DNAAF5: variants seen among roughly 807,000 people sequenced by gnomAD.
DNAAF5 encodes HEAT repeat containing 2.
Under a neutral mutation model 75.8 loss-of-function variants are expected in DNAAF5, and 64 were observed. The ratio of observed to expected loss-of-function variants is 0.84; its 90% confidence interval spans 0.69 to 1.04. The LOEUF is 1.04. Ranked by LOEUF, DNAAF5 falls within the 50% of genes least tolerant of loss-of-function variation. The pLI, the probability that DNAAF5 is intolerant of heterozygous loss-of-function variation, is 0.00. For synonymous variants in DNAAF5, 657 were observed against 557.2 expected (o/e 1.18, Z -2.52); for missense variants, 1,269 against 1,178.5 (o/e 1.08, Z -1.12).
chr7:730,251 C>T (rs546017208), intron 2 of DNAAF5, among the ~76,000 whole-genome samples: 1 of 152,126 alleles, frequency 6.6e-6, no homozygotes, highest in South Asian at 2.1e-4. Context: ...TGTCGTTGGG[C>T]TTTGGAACCC....
chr7:750,099 G>C (rs563006546), intron 4 of DNAAF5, among the ~76,000 whole-genome samples: 1 of 152,212 alleles, frequency 6.6e-6, no homozygotes, highest in Non-Finnish European at 1.5e-5. Flanking sequence ...ACCACGTGGA[G>C]GAGGGTGGTC....
rs1285740158 is a variant in DNAAF5 at position 774,996 on chromosome 7, C to T, written c.2083-10C>T. 1 of 1,613,634 alleles carries T rather than the reference C, an allele frequency of 6.2e-7. No homozygotes were observed. Among genetic ancestry groups the T allele is most frequent in the African/African-American group, 1.3e-5 (1 of 74,896 alleles). On this transcript the variant is annotated splice_polypyrimidine_tract_variant and intron_variant, in intron 10 of 12. Coordinates refer to ENST00000297440, the MANE Select transcript of DNAAF5 (RefSeq NM_017802.4). Reference sequence around the variant, plus strand: ...ATGTGAGTCACGTCGTATGTGTTTGCTGATTGCAGATACGGGACGTGCAGG... The same window carrying T: ...ATGTGAGTCACGTCGTATGTGTTTGTTGATTGCAGATACGGGACGTGCAGG...
At chr7:743,467 C>G (rs1003462796) in intron 4 of DNAAF5, among the ~76,000 whole-genome samples, 1 of 152,012 alleles carries the variant, frequency 6.6e-6, no homozygotes, top group African/African-American at 2.4e-5. Context: ...TGGCTCCTCC[C>G]GAGCCTGTGA....
intron 4 of DNAAF5, among the ~76,000 whole-genome samples, chr7:749,408 G>A (rs984296121): frequency 6.6e-6 from 1 of 152,112 alleles, no homozygotes; most frequent in African/African-American, 2.4e-5. Context: ...GACAGAGTTG[G>A]CTCTTCTTAA....
At chr7:749,573 G>A (rs944140448) in intron 4 of DNAAF5, among the ~76,000 whole-genome samples, 4 of 152,226 alleles carry the variant, frequency 2.6e-5, no homozygotes, top group South Asian at 2.1e-4. Flanking sequence ...AGCTTGAATG[G>A]AAATTGTCAG....
At chr7:762,209 G>A (rs780893798) in intron 7 of DNAAF5, among the ~76,000 whole-genome samples, 2 of 152,160 alleles carry the variant, frequency 1.3e-5, no homozygotes, top group African/African-American at 4.8e-5. Flanking sequence ...CATGTCGCTG[G>A]GCGTGGCATC....
chr7:735,573 ATTGCTCACAGTGTAG>A (rs1192287782), intron 2 of DNAAF5, among the ~76,000 whole-genome samples: 2 of 152,126 alleles, frequency 1.3e-5, no homozygotes, highest in Non-Finnish European at 2.9e-5. Context: ...TCACGATGTC[ATTGCTCACAGTGTAG>A]TTGCTCACAG....
intron 4 of DNAAF5, among the ~76,000 whole-genome samples, chr7:744,887 G>GC (rs1782032210): frequency 6.6e-6 from 1 of 152,148 alleles, no homozygotes; most frequent in African/African-American, 2.4e-5. Flanking sequence ...ACAGAGGTGA[G>GC]CCACCACGCC....
rs1448942310 is a variant in DNAAF5, at chr7:729,755, G to A, written c.688G>A (p.Ala230Thr). 6.2e-7 allele frequency: 1 copy of A among 1,614,200 alleles called. No homozygotes were observed. Reference protein sequence around the residue: ...HWKVRVAAIEATGAVIHFGNG... With the variant: ...HWKVRVAAIETTGAVIHFGNG... ...GAAGGTCCGTGTGGCCGCCATTGAAGCCACAGGCGCAGTGATCCATTTTGG... is the reference window on the plus strand; with the variant it reads ...GAAGGTCCGTGTGGCCGCCATTGAAACCACAGGCGCAGTGATCCATTTTGG... Residue 230 changes from alanine (A) to threonine (T), a missense_variant, in exon 2 of 13, where the codon GCC (alanine) becomes ACC (threonine). By Grantham distance (58) the Ala-to-Thr change is moderately conservative. Transcript: ENST00000297440.
intron 8 of DNAAF5, among the ~76,000 whole-genome samples, chr7:768,012 G>T: frequency 7.0e-6 from 1 of 142,272 alleles, no homozygotes; most frequent in East Asian, 2.1e-4. Context: ...GGGCGGAAGT[G>T]TCCTTGCAGC....
intron 4 of DNAAF5, among the ~76,000 whole-genome samples, chr7:745,150 G>A (rs1368877898): frequency 2.6e-5 from 4 of 152,210 alleles, no homozygotes; most frequent in African/African-American, 9.6e-5. Context: ...AGGAAATGCT[G>A]CTCCTTAGAG....
chr7:764,046 C>T (rs892861581), intron 8 of DNAAF5, 72 bp downstream of exon 8: 2 of 1,505,998 alleles, frequency 1.3e-6, no homozygotes, highest in Non-Finnish European at 9.1e-7. Context: ...CCCAGGTGCT[C>T]AGCAGGTACC....
chr7:757,009 G>C lies in DNAAF5; in HGVS notation c.1470+15G>C, dbSNP rs1782506888. ...CATCTGAAAACGTAAGAGCACTTGG[G>C]AGATGCGGGAGTGGAGAGGAGGAGC... On this transcript the variant is annotated intron_variant, in intron 6 of 12. Coordinates refer to ENST00000297440, the MANE Select transcript of DNAAF5 (RefSeq NM_017802.4). 4 of 1,593,490 alleles carry C rather than the reference G, an allele frequency of 2.5e-6. No homozygotes were observed. Among genetic ancestry groups the C allele is most frequent in the East Asian group, 4.5e-5 (2 of 44,748 alleles).
chr7:737,390 C>A (rs1370234096), intron 2 of DNAAF5, among the ~76,000 whole-genome samples: 1 of 152,176 alleles, frequency 6.6e-6, no homozygotes, highest in Admixed American at 6.5e-5. Flanking sequence ...GCCACTGCAC[C>A]CAACCAGTTA....
At position 754,890 on chromosome 7, in the gene DNAAF5, T is replaced by G; in HGVS notation, c.1257+69T>G. 2.4e-6 allele frequency: 3 copies of G among 1,231,202 alleles called. No individual in the cohort carries two copies. The highest frequency in any genetic ancestry group is 3.4e-6 in the Non-Finnish European group (3 of 875,746). The allele number at this position is 1,231,202 out of a possible 1,614,324, so 76.3% of individuals were successfully genotyped here. The stretch of plus-strand genomic sequence containing the variant: ...AGCTTAAGATCCCGCCTCTGTGGTG[T>G]GCGGGGCCCGAGGCTGTACTGTAGC... On this transcript the variant is annotated intron_variant, in intron 5 of 12. Coordinates refer to ENST00000297440, the MANE Select transcript of DNAAF5 (RefSeq NM_017802.4). The surrounding 1 kb of genome is among the most constrained non-coding windows in gnomAD (Gnocchi z 4.8).
In DNAAF5 at chr7:785,611, G is replaced by A. The variant is rs772910548; in HGVS notation, c.2526G>A (p.Glu842=). The change falls in exon 13 of 13, where the codon GAG becomes GAA. Residue 842 remains glutamate (E), a synonymous_variant. Coordinates refer to ENST00000297440, the MANE Select transcript of DNAAF5 (RefSeq NM_017802.4). ...IHKHRSATYC[E]QLLQHVQAVP... is the part of the protein sequence containing the mutation. ...AGCACCGCTCGGCCACCTACTGCGA[G>A]CAGCTCCTGCAGCATGTGCAGGCCG... 8.3e-5 allele frequency: 134 copies of A among 1,612,992 alleles called. No individual in the cohort carries two copies. The highest frequency in any genetic ancestry group is 1.1e-4 in the Non-Finnish European group (131 of 1,180,020).
rs892897649 is a variant in DNAAF5 at position 727,243 on chromosome 7, C to G, written c.523C>G (p.Leu175Val). 6.7e-6 allele frequency: 9 copies of G among 1,349,738 alleles called. No homozygotes were observed. Among genetic ancestry groups the G allele is most frequent in the Non-Finnish European group, 8.5e-6 (9 of 1,053,730 alleles). The allele number at this position is 1,349,738 out of a possible 1,614,324, so 83.6% of individuals were successfully genotyped here. ...CGCTCTGCGCGCGCTGCGCTGCTCC[C>G]TGCTCGACCCCTTCGCCGCCGTGCG... ...DDALRALRCS[L>V]LDPFAAVRRE... The change falls in exon 1 of 13, where the codon CTG (leucine) becomes GTG (valine). Residue 175 changes from leucine to valine, a missense_variant. Transcript: ENST00000297440.
At chr7:751,322 A>C (rs1782285385) in intron 4 of DNAAF5, among the ~76,000 whole-genome samples, 1 of 152,148 alleles carries the variant, frequency 6.6e-6, no homozygotes, top group Non-Finnish European at 1.5e-5. Flanking sequence ...GTGTCCTGGT[A>C]CAAGCTGTTC....
intron 4 of DNAAF5, among the ~76,000 whole-genome samples, chr7:745,465 C>G (rs996673503): frequency 1.4e-5 from 2 of 141,592 alleles, no homozygotes; most frequent in Non-Finnish European, 3.2e-5. Flanking sequence ...TGCACATGTA[C>G]ACACACACCT....
Sources: allele counts gnomAD v4.1 joint callset (sites outside exome capture counted in the v4.1 genomes callset), GRCh38; gene constraint gnomAD v4.1.1; non-coding constraint Gnocchi (gnomAD v3.1); transcripts MANE v1.5; gene names NCBI Gene and HGNC (gene_info 2026-07-23, HGNC 2026-07-21).